MAST4: variants seen among roughly 807,000 people sequenced by gnomAD.
MAST4 encodes microtubule-associated serine/threonine-protein kinase 4.
In MAST4, 89 loss-of-function variants were observed where a neutral mutation model predicts 162.7. The ratio of observed to expected loss-of-function variants is 0.55; its 90% confidence interval spans 0.46 to 0.65. The LOEUF is 0.65. Among genes scored for constraint, MAST4 ranks in the 30% least tolerant of loss-of-function variants. The probability of loss-of-function intolerance (pLI) is 0.00; values close to 1 mark genes in which losing one functional copy is unlikely to be tolerated. For synonymous variants in MAST4, 1,479 were observed against 1,361.1 expected, an observed-to-expected ratio of 1.09 and a Z score of -1.91; for missense variants, 3,153 against 3,374.0, an observed-to-expected ratio of 0.93 and a Z score of 1.62.
rs1446150316 is a variant in MAST4 at position 67,152,678 on chromosome 5, C to T, written c.3337C>T (p.His1113Tyr). ...CCCTCTGGGAAGTCCAATGTCTCCC[C>T]ATTCCCTGTCCTCGGACCCTTCTTC... ...VSPLGSPMSP[H>Y]SLSSDPSSSR... The change falls in exon 25 of 29, where the codon CAT becomes TAT. Residue 1113 changes from histidine to tyrosine, a missense_variant. By Grantham distance (83) the His-to-Tyr change is moderately conservative. This residue lies in a region of MAST4 where 619 missense variants were observed against 744.2 expected (regional missense o/e 0.83). Coordinates refer to ENST00000403625, the MANE Select transcript of MAST4 (RefSeq NM_001164664.2). 1 of 1,614,054 alleles carries T rather than the reference C, an allele frequency of 6.2e-7. No homozygotes were observed. The highest frequency in any genetic ancestry group is 1.7e-5 in the Admixed American group (1 of 60,028).
At chr5:66,695,925 C>A (rs909323662) in intron 1 of MAST4, among the ~76,000 whole-genome samples, 3 of 152,060 alleles carry the variant, frequency 2.0e-5, no homozygotes, top group African/African-American at 7.2e-5. Context: ...CAGTACTATT[C>A]ACAATAGCAA....
At chr5:66,992,188 T>G (rs1221679966) in intron 4 of MAST4, among the ~76,000 whole-genome samples, 1 of 152,206 alleles carries the variant, frequency 6.6e-6, no homozygotes, top group African/African-American at 2.4e-5. Context: ...TTCTGTTGTT[T>G]TTTCATGTAA....
At chr5:66,638,991 C>T (rs751606936) in intron 1 of MAST4, among the ~76,000 whole-genome samples, 12 of 151,958 alleles carry the variant, frequency 7.9e-5, no homozygotes, top group Non-Finnish European at 1.5e-4. Flanking sequence ...TCACTAAGTA[C>T]CAAAGTTTAG....
At chr5:66,918,930 C>G (rs1309441571) in intron 4 of MAST4, among the ~76,000 whole-genome samples, 1 of 152,128 alleles carries the variant, frequency 6.6e-6, no homozygotes, top group Non-Finnish European at 1.5e-5. Flanking sequence ...TGGCGAAACC[C>G]TGTCTCTATT....
At chr5:66,970,336 T>G (rs1747277029) in intron 4 of MAST4, among the ~76,000 whole-genome samples, 1 of 152,188 alleles carries the variant, frequency 6.6e-6, no homozygotes, top group Admixed American at 6.5e-5. Flanking sequence ...GCAAGCATAA[T>G]AAACTTACTG....
chr5:66,818,913 C>T lies in MAST4; in HGVS notation c.642+30119C>T, dbSNP rs554790149. Among the ~76,000 whole-genome samples, 14 of 152,246 alleles carry T rather than the reference C, an allele frequency of 9.2e-5. No homozygotes were observed. The South Asian group carries it at 2.1e-3, about 23-fold the overall frequency. On this transcript the variant is annotated intron_variant, in intron 3 of 28. Transcript: ENST00000403625. The stretch of plus-strand genomic sequence containing the variant: ...CACTTTCCTCATTGGTAAATTGGAC[C>T]GGTCTCTTTTCTTTCTACTTCTCAA...
intron 1 of MAST4, among the ~76,000 whole-genome samples, chr5:66,683,547 A>G (rs142696066): frequency 2.6e-5 from 4 of 152,330 alleles, no homozygotes; most frequent in East Asian, 1.9e-4. Context: ...CAAGGTTGAT[A>G]GTTTACCAAA....
At chr5:67,041,291 G>A (rs1756706947) in intron 4 of MAST4, among the ~76,000 whole-genome samples, 1 of 152,120 alleles carries the variant, frequency 6.6e-6, no homozygotes, top group African/African-American at 2.4e-5. Context: ...CTTTGAACTT[G>A]TGGTTCTGAA....
chr5:66,856,961 A>G (rs1436408559), intron 3 of MAST4, among the ~76,000 whole-genome samples: 4 of 152,232 alleles, frequency 2.6e-5, no homozygotes, highest in African/African-American at 9.6e-5. Flanking sequence ...ACATTTTGTC[A>G]TTTTTCTTCA....
intron 3 of MAST4, among the ~76,000 whole-genome samples, chr5:66,814,500 C>T (rs1468525054): frequency 3.3e-5 from 5 of 152,174 alleles, no homozygotes; most frequent in Non-Finnish European, 7.3e-5. Flanking sequence ...TTTGATGGGA[C>T]AGGCTCCGCA....
At chr5:66,697,021 A>G (rs1749449738) in intron 1 of MAST4, among the ~76,000 whole-genome samples, 2 of 152,226 alleles carry the variant, frequency 1.3e-5, no homozygotes, top group South Asian at 4.1e-4. Flanking sequence ...ACAATGAAAT[A>G]TGGTTGTCTC....
intron 4 of MAST4, among the ~76,000 whole-genome samples, chr5:66,908,391 A>T (rs963598870): frequency 1.3e-5 from 2 of 152,176 alleles, no homozygotes; most frequent in African/African-American, 4.8e-5. Context: ...GTGCATTGCC[A>T]AACACCCTTG....
intron 3 of MAST4, among the ~76,000 whole-genome samples, chr5:66,818,517 T>C (rs960039327): frequency 1.3e-5 from 2 of 152,232 alleles, no homozygotes; most frequent in Admixed American, 6.5e-5. Flanking sequence ...CTCAACTAGA[T>C]AAATACAAAT....
chr5:67,144,624 C>T (rs775623213), intron 21 of MAST4, 45 bp from the exon 22 acceptor site: 2 of 1,591,740 alleles, frequency 1.3e-6, no homozygotes, highest in East Asian at 2.2e-5. Flanking sequence ...TTCTGACAAA[C>T]TCTTTTTAGT....
intron 3 of MAST4, among the ~76,000 whole-genome samples, chr5:66,875,862 G>C (rs983217313): frequency 2.6e-5 from 4 of 152,186 alleles, no homozygotes; most frequent in Admixed American, 6.5e-5. Flanking sequence ...CTTGGGTTCA[G>C]GTGATCCTCA....
At chr5:66,902,757 C>T (rs908402125) in intron 4 of MAST4, 2 of 457,388 alleles carry the variant, frequency 4.4e-6, no homozygotes, top group African/African-American at 4.1e-5. Context: ...ATCACTTTTC[C>T]AGAGGCATTC....
chr5:66,908,802 C>G (rs1389665571), intron 4 of MAST4, among the ~76,000 whole-genome samples: 1 of 152,124 alleles, frequency 6.6e-6, no homozygotes, highest in Non-Finnish European at 1.5e-5. Flanking sequence ...AGCTTGGACT[C>G]AGAAGTCACA....
intron 4 of MAST4, chr5:67,004,913 CT>C: frequency 1.5e-6 from 1 of 689,382 alleles, no homozygotes; most frequent in South Asian, 1.6e-5. Context: ...TATTTTTGGC[CT>C]TGTCTTTCTT....
chr5:67,049,652 C>T (rs1757932287), intron 4 of MAST4, among the ~76,000 whole-genome samples: 1 of 152,122 alleles, frequency 6.6e-6, no homozygotes, highest in Admixed American at 6.5e-5. Flanking sequence ...CCCTCTTACT[C>T]AATTCACTAT....
Sources: allele counts gnomAD v4.1 joint callset (sites outside exome capture counted in the v4.1 genomes callset), GRCh38; gene constraint gnomAD v4.1.1; regional missense constraint gnomAD v4.1.1; transcripts MANE v1.5; gene names NCBI Gene and HGNC (gene_info 2026-07-23, HGNC 2026-07-21).